Variants in LDAF1 observed in about 807,000 individuals in gnomAD.
LDAF1 encodes the protein PROMETHIN.
LDAF1 carries 7 observed loss-of-function variants against 13.5 expected under a neutral mutation model. That is an observed-to-expected ratio of 0.52 (90% CI 0.29 to 0.97). LDAF1 has a LOEUF of 0.97. LDAF1 is among the 50% of genes least tolerant of loss of function. The pLI is 0.07. For synonymous variants in LDAF1, 69 were observed against 77.1 expected (o/e 0.89, Z 0.55); for missense variants, 148 against 193.2 (o/e 0.77, Z 1.39).
chr16:21,159,199 G>T, intron 1 of LDAF1: 1 of 944,370 alleles, frequency 1.1e-6, no homozygotes, highest in Non-Finnish European at 1.7e-6. Context: ...CCCCATCGCT[G>T]CAGAGAGATC....
chr16:21,162,402 GT>G (rs5816147), intron 2 of LDAF1, among the ~76,000 whole-genome samples: 108,755 of 151,672 alleles, frequency 0.72, 39,462 homozygotes, highest in East Asian at 1. Context: ...TTCAGATAGC[GT>G]TATGTTTTCT....
intron 4 of LDAF1, chr16:21,178,147 A>C (rs1232585288): frequency 1.1e-6 from 1 of 926,392 alleles, no homozygotes; most frequent in Non-Finnish European, 1.3e-6. Flanking sequence ...TATTTAGATC[A>C]AATACACTGA....
intron 4 of LDAF1, among the ~76,000 whole-genome samples, chr16:21,175,147 T>C (rs928797082): frequency 3.3e-5 from 5 of 152,250 alleles, no homozygotes; most frequent in Non-Finnish European, 5.9e-5. Context: ...TGCTTTATTT[T>C]TGTCCTTTGT....
Position 21,161,075 on chromosome 16 carries a change from C to A in LDAF1, c.-98-10C>A. On this transcript the variant is annotated splice_polypyrimidine_tract_variant and intron_variant, in intron 1 of 4. Coordinates refer to ENST00000233047, the MANE Select transcript of LDAF1 (RefSeq NM_001301771.2). ...AGACCACTAACGGCTTTTGTTTCCT[C>A]TGGTAACAGCAAGAGACAGAGCGAC... The A allele has an allele frequency of 6.6e-7, 1 of 1,508,376 alleles. No homozygotes were observed. The highest frequency in any genetic ancestry group is 8.8e-7 in the Non-Finnish European group (1 of 1,134,366). The allele number at this position is 1,508,376 out of a possible 1,614,324, so 93.4% of individuals were successfully genotyped here.
At chr16:21,178,694 G>A (rs2093160130) in intron 4 of LDAF1, 1 of 152,176 alleles carries the variant, frequency 6.6e-6, no homozygotes, top group Non-Finnish European at 1.5e-5. Flanking sequence ...TTTTAAAAAT[G>A]TGAATAAAAT....
intron 3 of LDAF1, among the ~76,000 whole-genome samples, chr16:21,172,468 AAAAG>A (rs756616990): frequency 8.6e-5 from 13 of 152,028 alleles, no homozygotes; most frequent in East Asian, 3.9e-4. Context: ...AAGAAAAGAA[AAAAG>A]AAAGAAAGAA....
At position 21,170,495 on chromosome 16, in the gene LDAF1, C is replaced by T. The variant is rs938494309; in HGVS notation, c.155C>T (p.Ala52Val). Residue 52 changes from alanine to valine, a missense_variant, in exon 3 of 5, where the codon GCC becomes GTC. Physicochemically the swap from Ala to Val is moderately conservative, Grantham distance 64. Coordinates refer to ENST00000233047, the MANE Select transcript of LDAF1 (RefSeq NM_001301771.2). The part of the protein sequence containing the change: ...GQYLDSHPFL[A>V]FTLLVFIVMS... ...TACTTGGACAGCCATCCGTTTCTGGCCTTCACCTTGCTGGTGTTCATTGTC... is the reference window on the plus strand; with the variant it reads ...TACTTGGACAGCCATCCGTTTCTGGTCTTCACCTTGCTGGTGTTCATTGTC... 1.2e-6 allele frequency: 2 copies of T among 1,614,108 alleles called. No homozygotes were observed. The highest frequency in any genetic ancestry group is 1.6e-4 in the Middle Eastern group (1 of 6,062).
intron 4 of LDAF1, among the ~76,000 whole-genome samples, chr16:21,174,768 G>T (rs998838349): frequency 6.6e-6 from 1 of 152,082 alleles, no homozygotes; most frequent in South Asian, 2.1e-4. Context: ...AAATTAGGTG[G>T]TTTTCTTTGG....
At chr16:21,168,276 A>C (rs1399713344) in intron 2 of LDAF1, among the ~76,000 whole-genome samples, 1 of 151,504 alleles carries the variant, frequency 6.6e-6, no homozygotes, top group African/African-American at 2.4e-5. Context: ...CCACCTCCCA[A>C]AGTGCTGGGA....
intron 4 of LDAF1, chr16:21,177,058 T>C (rs559112498): frequency 6.6e-6 from 1 of 152,300 alleles, no homozygotes; most frequent in South Asian, 2.1e-4. Context: ...TTGATATAAA[T>C]AACAAATTTT....
chr16:21,175,591 C>T (rs1294507052), intron 4 of LDAF1, among the ~76,000 whole-genome samples: 3 of 152,202 alleles, frequency 2.0e-5, no homozygotes, highest in East Asian at 1.9e-4. Flanking sequence ...GAAGGCAGCA[C>T]AGACCAGGAA....
intron 4 of LDAF1, among the ~76,000 whole-genome samples, chr16:21,174,849 A>G (rs1299262220): frequency 1.3e-5 from 2 of 152,148 alleles, no homozygotes; most frequent in Admixed American, 6.5e-5. Flanking sequence ...GCGGTACAGT[A>G]TGGGAGCCGT....
chr16:21,172,529 A>C (rs188221343), intron 3 of LDAF1, among the ~76,000 whole-genome samples: 11 of 152,212 alleles, frequency 7.2e-5, no homozygotes, highest in Non-Finnish European at 1.6e-4. Flanking sequence ...CAGAAGGCTG[A>C]GGTGACGGGA....
intron 2 of LDAF1, among the ~76,000 whole-genome samples, chr16:21,162,659 A>G (rs1209319754): frequency 6.6e-6 from 1 of 152,218 alleles, no homozygotes; most frequent in African/African-American, 2.4e-5. Flanking sequence ...ATCTACAACA[A>G]TAAATTCTGG....
At chr16:21,178,301 C>T (rs1342911426) in intron 4 of LDAF1, 5 of 985,264 alleles carry the variant, frequency 5.1e-6, no homozygotes, top group Non-Finnish European at 6.0e-6. Context: ...CCACCAAACT[C>T]ACTACCCCAT....
In LDAF1 at chr16:21,179,455, CTCT is replaced by C; in HGVS notation, c.405-15_405-13del. On this transcript the variant is annotated splice_polypyrimidine_tract_variant and intron_variant, in intron 4 of 4. Coordinates refer to ENST00000233047, the MANE Select transcript of LDAF1 (RefSeq NM_001301771.2). The stretch of plus-strand genomic sequence containing the variant: ...TTACTGAGGCCCTAGAGCTAACGAT[CTCT>C]TCTTGTTATCCGACAGGCCACTGAC... The C allele has an allele frequency of 3.7e-6, 6 of 1,614,096 alleles. No homozygotes were observed. The highest frequency in any genetic ancestry group is 1.7e-5 in the Admixed American group (1 of 60,016).
Position 21,174,217 on chromosome 16 carries a change from C to T in LDAF1, c.404+69C>T, listed in dbSNP as rs1370556635. ...ACTTTTTTGTTTTTTTGAGACAAGG[C>T]CTCACTCTGTCACTCAGGCTGGAGT... is the stretch of plus-strand genomic sequence containing the variant. On this transcript the variant is annotated intron_variant, in intron 4 of 4. Coordinates refer to ENST00000233047, the MANE Select transcript of LDAF1 (RefSeq NM_001301771.2). 4 of 1,425,032 alleles carry T rather than the reference C, an allele frequency of 2.8e-6. No individual in the cohort carries two copies. In the African/African-American group the frequency reaches 4.3e-5, roughly 15 times the overall value. 88.3% of individuals were successfully genotyped at this position (1,425,032 alleles called of 1,614,324 possible). A position where few individuals can be genotyped will look rare whatever the true frequency, so the allele number is the denominator to read the frequency against.
At chr16:21,167,102 C>T (rs1163787838) in intron 2 of LDAF1, among the ~76,000 whole-genome samples, 1 of 152,198 alleles carries the variant, frequency 6.6e-6, no homozygotes, top group Non-Finnish European at 1.5e-5. Flanking sequence ...AGCCCAAGAC[C>T]AATGGCTGTG....
At chr16:21,171,875 T>A (rs2093091652) in intron 3 of LDAF1, among the ~76,000 whole-genome samples, 1 of 151,816 alleles carries the variant, frequency 6.6e-6, no homozygotes, top group African/African-American at 2.4e-5. Context: ...GTAGTTGGGA[T>A]TACAGGCATG....
Sources: gnomAD v4.1 joint callset for allele counts (sites outside exome capture counted in the v4.1 genomes callset) on GRCh38, gnomAD v4.1.1 for gene constraint, MANE v1.5 for transcripts, NCBI Gene and HGNC (gene_info 2026-07-23, HGNC 2026-07-21) for gene names.